The following TRIQK variants were observed in gnomAD, a reference collection of about 807,000 sequenced individuals.
TRIQK encodes the protein triple QxxK/R motif containing, also known as triple QxxK/R motif-containing protein.
Under a neutral mutation model 10.8 loss-of-function variants are expected in TRIQK, and 10 were observed. The ratio of observed to expected loss-of-function variants is 0.92; its 90% CI spans 0.57 to 1.57. TRIQK has a LOEUF of 1.57. TRIQK is among the 40% of genes most tolerant of loss of function. TRIQK has a pLI of 0.00. For synonymous variants in TRIQK, 33 were observed against 33.7 expected, an observed-to-expected ratio of 0.98 and a Z score of 0.07; for missense variants, 107 against 97.7, an observed-to-expected ratio of 1.09 and a Z score of -0.40.
intron 1 of TRIQK, among the ~76,000 whole-genome samples, chr8:92,996,772 G>C (rs1292257472): frequency 6.6e-6 from 1 of 151,826 alleles, no homozygotes; most frequent in Non-Finnish European, 1.5e-5. Context: ...TCTTCTTTTG[G>C]GAAGTTTAAT....
chr8:93,003,217 G>A (rs1052136533), intron 1 of TRIQK, among the ~76,000 whole-genome samples: 1 of 151,852 alleles, frequency 6.6e-6, no homozygotes, highest in Non-Finnish European at 1.5e-5. Context: ...TCCACAGGCT[G>A]TACAGGAGGC....
Position 92,884,573 on chromosome 8 carries a change from C to T in TRIQK, c.*2049G>A, listed in dbSNP as rs1362453303. 1.9e-5 allele frequency: 6 copies of T among 308,182 alleles called. No homozygotes were observed. Among genetic ancestry groups the T allele is most frequent in the Non-Finnish European group, 3.2e-5 (5 of 156,042 alleles). 19.1% of individuals were successfully genotyped at this position (308,182 alleles called of 1,614,324 possible). On this transcript the variant is annotated 3_prime_UTR_variant, in exon 5 of 5. Coordinates refer to ENST00000521988, the MANE Select transcript of TRIQK (RefSeq NM_001171797.2). ...TTAATAGTTATCAAAAACATTTTTC[C>T]CCAAAAAATACCTCAAGGGTAAAAC...
In TRIQK at chr8:92,884,416, G is replaced by GTTTA. The variant is rs1816364695; in HGVS notation, c.*2202_*2205dup. The GTTTA allele has an allele frequency of 5.5e-6, 1 of 181,142 alleles. No homozygotes were observed. Among genetic ancestry groups the GTTTA allele is most frequent in the Admixed American group, 5.5e-5 (1 of 18,074 alleles). The allele number at this position is 181,142 out of a possible 1,614,324, so 11.2% of individuals were successfully genotyped here. Reference sequence around the variant, plus strand: ...ACCTACTATTTACTAAAATCAGAGAGTTTAGCCTTTGAAATTTATGGTTCT... The same window carrying GTTTA: ...ACCTACTATTTACTAAAATCAGAGAGTTTATTTAGCCTTTGAAATTTATGGTTCT... On this transcript the variant is annotated 3_prime_UTR_variant, in exon 5 of 5. Coordinates refer to ENST00000521988, the MANE Select transcript of TRIQK (RefSeq NM_001171797.2).
intron 3 of TRIQK, among the ~76,000 whole-genome samples, chr8:92,900,526 C>G (rs986504434): frequency 3.9e-5 from 6 of 152,020 alleles, no homozygotes; most frequent in Non-Finnish European, 8.8e-5. Flanking sequence ...TTCTTAGCAC[C>G]TTTATCAAAA....
intron 1 of TRIQK, chr8:93,017,474 C>T (rs988339146): frequency 6.6e-6 from 1 of 152,238 alleles, no homozygotes; most frequent in Admixed American, 6.5e-5. Flanking sequence ...AGACCCACTC[C>T]TGTAGTGGCA....
intron 3 of TRIQK, among the ~76,000 whole-genome samples, chr8:92,906,824 C>T (rs1015510063): frequency 6.6e-6 from 1 of 150,462 alleles, no homozygotes; most frequent in Non-Finnish European, 1.5e-5. Context: ...ACCTGGGAGG[C>T]GGAGTTTGCA....
At chr8:92,944,288 G>C (rs974300308) in intron 2 of TRIQK, among the ~76,000 whole-genome samples, 6 of 134,712 alleles carry the variant, frequency 4.5e-5, no homozygotes, top group Non-Finnish European at 7.9e-5. Context: ...TTATGGAAGA[G>C]AGTATGAAGG....
At chr8:92,990,204 T>G (rs1813082692) in intron 1 of TRIQK, among the ~76,000 whole-genome samples, 1 of 152,216 alleles carries the variant, frequency 6.6e-6, no homozygotes, top group Non-Finnish European at 1.5e-5. Flanking sequence ...GAAGAAATGC[T>G]TGTCATAAAG....
At chr8:92,954,908 G>T (rs901785702) in intron 1 of TRIQK, among the ~76,000 whole-genome samples, 1 of 151,778 alleles carries the variant, frequency 6.6e-6, no homozygotes, top group African/African-American at 2.4e-5. Flanking sequence ...AAGCATAAAT[G>T]TAAAAATACT....
chr8:92,914,024 C>T (rs750011812), intron 3 of TRIQK, among the ~76,000 whole-genome samples: 12 of 151,992 alleles, frequency 7.9e-5, no homozygotes, highest in East Asian at 1.9e-4. Flanking sequence ...ATATAGATGA[C>T]GGGTTGATGG....
intron 2 of TRIQK, among the ~76,000 whole-genome samples, chr8:92,937,946 A>G (rs1285155060): frequency 2.6e-5 from 4 of 151,916 alleles, no homozygotes; most frequent in African/African-American, 9.7e-5. Context: ...ATTTACCTAC[A>G]TATTTACTAT....
intron 1 of TRIQK, among the ~76,000 whole-genome samples, chr8:93,004,225 G>A (rs1203673362): frequency 6.6e-6 from 1 of 152,154 alleles, no homozygotes; most frequent in African/African-American, 2.4e-5. Context: ...TGAAATCTAG[G>A]CAGAGGCTCC....
In TRIQK at chr8:92,947,828, G is replaced by A. The variant is rs909047199; in HGVS notation, c.-22+6578C>T. 8.5e-5 allele frequency among the ~76,000 whole-genome samples: 13 copies of A among 152,064 alleles called. No homozygotes were observed. The East Asian group carries it at 1.2e-3, about 14-fold the overall frequency. The stretch of plus-strand genomic sequence containing the variant: ...GAGGGTTATACTGGTTGCATCTAAC[G>A]TAAAGGAATATTAAGTATAGTAACA... On this transcript the variant is annotated intron_variant, in intron 2 of 4. Transcript: ENST00000521988.
intron 2 of TRIQK, 100 bp from the exon 3 acceptor site, chr8:92,917,110 TAC>T: frequency 3.8e-6 from 2 of 528,938 alleles, no homozygotes; most frequent in Non-Finnish European, 5.9e-6. Context: ...AAGCAATGGG[TAC>T]AAATACTTTG....
chr8:92,963,462 TAA>T (rs1319034338), intron 1 of TRIQK: 1 of 151,058 alleles, frequency 6.6e-6, no homozygotes, highest in African/African-American at 2.4e-5. Context: ...ATTATTCACT[TAA>T]GTTTAAAAAA....
In TRIQK at chr8:92,886,667, T is replaced by C. The variant is rs1323666071; in HGVS notation, c.216A>G (p.Arg72=). 1 of 1,532,072 alleles carries C rather than the reference T, an allele frequency of 6.5e-7. No individual in the cohort carries two copies. The highest frequency in any genetic ancestry group is 8.7e-7 in the Non-Finnish European group (1 of 1,143,428). 94.9% of individuals were successfully genotyped at this position (1,532,072 alleles called of 1,614,324 possible). Residue 72 remains arginine (R), a synonymous_variant, in exon 5 of 5, where the codon AGA becomes AGG. Coordinates refer to ENST00000521988, the MANE Select transcript of TRIQK (RefSeq NM_001171797.2). ...GATCAGGGTCAACATCCGTGGTGAG[T>C]CTGAGATAAAAGAAAGCATAGAAAG... The part of the protein sequence containing the change: ...LLAFYAFFYL[R]LTTDVDPDLD...
chr8:92,983,769 C>G (rs1247505963), intron 1 of TRIQK, among the ~76,000 whole-genome samples: 1 of 151,968 alleles, frequency 6.6e-6, no homozygotes, highest in African/African-American at 2.4e-5. Context: ...TGATCAGGTG[C>G]CAGGATAAGG....
upstream of TRIQK, among the ~76,000 whole-genome samples, chr8:92,969,968 T>C (rs768745143): frequency 2.0e-5 from 3 of 151,990 alleles, no homozygotes; most frequent in Non-Finnish European, 4.4e-5. Context: ...AGCAGGTCCC[T>C]GTGTATGTTG....
At chr8:92,924,900 C>T (rs992900251) in intron 2 of TRIQK, among the ~76,000 whole-genome samples, 4 of 151,896 alleles carry the variant, frequency 2.6e-5, no homozygotes, top group African/African-American at 9.7e-5. Context: ...TTTCAGAGAT[C>T]GAAGTGCCCA....
Sources: gnomAD v4.1 joint callset for allele counts (sites outside exome capture counted in the v4.1 genomes callset) on GRCh38, gnomAD v4.1.1 for gene constraint, MANE v1.5 for transcripts, NCBI Gene and HGNC (gene_info 2026-07-23, HGNC 2026-07-21) for gene names.